ATP10A: variants seen among roughly 807,000 people sequenced by gnomAD.
ATP10A encodes the protein phospholipid-transporting ATPase VA.
ATP10A carries 111 observed loss-of-function variants against 147.8 expected under a neutral mutation model. The ratio of observed to expected loss-of-function variants is 0.75; its 90% confidence interval spans 0.64 to 0.88. ATP10A has a LOEUF of 0.88. Among genes scored for constraint, ATP10A ranks in the 40% least tolerant of loss-of-function variants. The probability of loss-of-function intolerance (pLI) is 0.00; values close to 1 mark genes in which losing one functional copy is unlikely to be tolerated. For synonymous variants in ATP10A, 875 were observed against 841.6 expected (o/e 1.04, Z -0.69); for missense variants, 1,927 against 1,959.0 (o/e 0.98, Z 0.31).
chr15:25,730,341 A>AAAGG (rs796403030), intron 3 of ATP10A, among the ~76,000 whole-genome samples: 2,420 of 149,106 alleles, frequency 0.016, 82 homozygotes, highest in African/African-American at 0.052. Flanking sequence ...AGAAAGAAAG[A>AAAGG]AAGGAAGGAA....
downstream of ATP10A, among the ~76,000 whole-genome samples, chr15:25,675,465 G>T (rs1238400550): frequency 6.6e-6 from 1 of 152,156 alleles, no homozygotes. Flanking sequence ...AGATAAAAAA[G>T]GAGTTGCAAC....
chr15:25,786,482 G>A (rs553166293), intron 1 of ATP10A, among the ~76,000 whole-genome samples: 23 of 150,302 alleles, frequency 1.5e-4, no homozygotes, highest in South Asian at 2.1e-4. Context: ...TCTTTTGAAC[G>A]ACAGAACTGT....
chr15:25,796,370 A>C (rs1321240961), intron 1 of ATP10A, among the ~76,000 whole-genome samples: 2 of 150,908 alleles, frequency 1.3e-5, no homozygotes, highest in Non-Finnish European at 2.9e-5. Flanking sequence ...GCACCACTAC[A>C]CTTCAGCCTG....
intron 2 of ATP10A, among the ~76,000 whole-genome samples, chr15:25,745,086 G>A (rs1171817215): frequency 1.3e-5 from 2 of 152,220 alleles, no homozygotes; most frequent in African/African-American, 4.8e-5. Context: ...AGCACTTTGG[G>A]AGGCTGAGGC....
At chr15:25,768,073 C>T (rs1405302075) in intron 2 of ATP10A, among the ~76,000 whole-genome samples, 1 of 152,248 alleles carries the variant, frequency 6.6e-6, no homozygotes, top group East Asian at 1.9e-4. Context: ...GCAGAATCTA[C>T]AGGACTTGGC....
intron 1 of ATP10A, chr15:25,861,763 G>A (rs1446628935): frequency 6.5e-6 from 1 of 153,896 alleles, no homozygotes. Flanking sequence ...AGCTTTGGAG[G>A]AAAGCTAAGA....
intron 9 of ATP10A, among the ~76,000 whole-genome samples, chr15:25,716,030 T>C (rs1901779047): frequency 6.6e-6 from 1 of 152,236 alleles, no homozygotes; most frequent in Non-Finnish European, 1.5e-5. Context: ...GAGAAAACCT[T>C]AATGTCAGAC....
intron 17 of ATP10A, among the ~76,000 whole-genome samples, chr15:25,681,655 A>G (rs1567296041): frequency 1.3e-5 from 2 of 152,194 alleles, no homozygotes; most frequent in Non-Finnish European, 2.9e-5. Flanking sequence ...CAGAGGCCCG[A>G]TGAAAAGCAC....
chr15:25,784,338 A>G (rs1196655299), intron 1 of ATP10A, among the ~76,000 whole-genome samples: 3 of 152,170 alleles, frequency 2.0e-5, no homozygotes, highest in Admixed American at 2.0e-4. Flanking sequence ...ACCGCAAGGC[A>G]CTGTCTCTGT....
In ATP10A at chr15:25,736,053, C is replaced by T. The variant is rs763453867; in HGVS notation, c.740+3G>A. The T allele has an allele frequency of 8.1e-6, 13 of 1,611,608 alleles. No individual in the cohort carries two copies. Among genetic ancestry groups the T allele is most frequent in the South Asian group, 6.6e-5 (6 of 91,028 alleles). ...TGCGCGCAGGCAGACACACGATACT[C>T]ACATGCAGCCGCGAAACCTACTCAG... On this transcript the variant is annotated splice_donor_region_variant and intron_variant, in intron 3 of 20. Transcript: ENST00000555815.
At chr15:25,735,028 AAGTGGGTGGGGC>A (rs1887193457) in intron 3 of ATP10A, among the ~76,000 whole-genome samples, 1 of 131,368 alleles carries the variant, frequency 7.6e-6, no homozygotes, top group Non-Finnish European at 1.7e-5. Context: ...GGGGTGGGGG[AAGTGGGTGGGGC>A]AGGCGAGCCC....
intron 2 of ATP10A, among the ~76,000 whole-genome samples, chr15:25,752,960 G>A (rs560652009): frequency 1.3e-5 from 2 of 151,838 alleles, no homozygotes; most frequent in South Asian, 4.2e-4. Context: ...GATTTTTGTT[G>A]TAAACTAATC....
At chr15:25,697,280 C>T (rs746288795) in intron 13 of ATP10A, among the ~76,000 whole-genome samples, 2 of 152,218 alleles carry the variant, frequency 1.3e-5, no homozygotes, top group Non-Finnish European at 2.9e-5. Flanking sequence ...CCAGAGCTCA[C>T]AGCCCAAACC....
chr15:25,679,972 A>C lies in ATP10A; in HGVS notation c.3869T>G (p.Leu1290Trp), dbSNP rs781115975. 7.5e-6 allele frequency: 12 copies of C among 1,590,602 alleles called. No individual in the cohort carries two copies. Among genetic ancestry groups the C allele is most frequent in the Non-Finnish European group, 1.0e-5 (12 of 1,164,268 alleles). The change falls in exon 21 of 21, where the codon TTG (leucine) becomes TGG (tryptophan). Residue 1290 changes from leucine (L) to tryptophan (W), a missense_variant and splice_region_variant. Physicochemically the swap from Leu to Trp is moderately conservative, Grantham distance 61. Coordinates refer to ENST00000555815, the MANE Select transcript of ATP10A (RefSeq NM_024490.4). ...MTPVAALLPRLFFRSLQGRVF... is the reference protein window; with the variant it reads ...MTPVAALLPRWFFRSLQGRVF... The stretch of plus-strand genomic sequence containing the variant: ...CCTCCCCTGGAGGGATCTGAAAAAC[A>C]ATCTAGAAAAAGTACATTAAAACAA...
chr15:25,757,895 TC>T (rs1386642940), intron 2 of ATP10A, among the ~76,000 whole-genome samples: 3 of 58,070 alleles, frequency 5.2e-5, no homozygotes, highest in East Asian at 7.8e-4. Context: ...CCTAACTCAT[TC>T]CTATCACCTG....
chr15:25,726,149 G>A, intron 4 of ATP10A, 67 bp from the exon 5 acceptor site: 2 of 1,551,794 alleles, frequency 1.3e-6, no homozygotes, highest in Non-Finnish European at 1.8e-6. Flanking sequence ...TGCATGGATG[G>A]CGTGGAGGGA....
chr15:25,683,220 T>C, intron 17 of ATP10A, 66 bp downstream of exon 17: 1 of 1,498,732 alleles, frequency 6.7e-7, no homozygotes, highest in Non-Finnish European at 9.2e-7. Context: ...GGACTGGCAC[T>C]TTGGAAGAGT....
At chr15:25,699,609 C>A (rs972809605) in intron 13 of ATP10A, among the ~76,000 whole-genome samples, 9 of 152,256 alleles carry the variant, frequency 5.9e-5, no homozygotes, top group Admixed American at 3.3e-4. Flanking sequence ...TGGCTCAAGT[C>A]TATAATCTCA....
rs1425491261 is a variant in ATP10A, at chr15:25,811,462, T to G, written c.450-30239A>C. 7.2e-5 allele frequency among the ~76,000 whole-genome samples: 11 copies of G among 152,302 alleles called. 1 individual carries two copies. Among genetic ancestry groups the G allele is most frequent in the African/African-American group, 2.2e-4 (9 of 41,570 alleles). ...GAGACAAAACAAATGGCATGGAACA[T>G]GCTAGAAGCCTTCCAATGACTTCCC... On this transcript the variant is annotated intron_variant, in intron 1 of 20. Coordinates refer to ENST00000555815, the MANE Select transcript of ATP10A (RefSeq NM_024490.4).
Sources: gnomAD v4.1 joint callset for allele counts (sites outside exome capture counted in the v4.1 genomes callset) on GRCh38, gnomAD v4.1.1 for gene constraint, MANE v1.5 for transcripts, NCBI Gene and HGNC (gene_info 2026-07-23, HGNC 2026-07-21) for gene names.